MTA3: variants seen among roughly 807,000 people sequenced by gnomAD.
MTA3 encodes the protein metastasis-associated protein MTA3.
A neutral mutation model predicts 83.5 loss-of-function variants in MTA3; 34 were observed. The ratio of observed to expected loss-of-function variants is 0.41; its 90% CI spans 0.31 to 0.54. The LOEUF is 0.54. Ranked by LOEUF, MTA3 falls within the 20% of genes least tolerant of loss-of-function variation. The pLI, the probability that MTA3 is intolerant of heterozygous loss-of-function variation, is 0.33. For synonymous variants in MTA3, 303 were observed against 252.7 expected (o/e 1.20, Z -1.89); for missense variants, 761 against 726.4 (o/e 1.05, Z -0.55).
intron 14 of MTA3, among the ~76,000 whole-genome samples, chr2:42,717,127 G>GTTTTTT (rs66521425): frequency 3.1e-5 from 2 of 64,928 alleles, no homozygotes; most frequent in African/African-American, 5.8e-5. Flanking sequence ...TCAGAAAAGA[G>GTTTTTT]TTTTTTTTTT....
intron 11 of MTA3, among the ~76,000 whole-genome samples, chr2:42,701,741 C>G (rs1382009299): frequency 2.0e-5 from 3 of 151,040 alleles, no homozygotes; most frequent in African/African-American, 7.3e-5. Context: ...CATGGTGAAA[C>G]CCCGTCTCTA....
intron 4 of MTA3, among the ~76,000 whole-genome samples, chr2:42,627,725 A>ATTTTTTTTTTTTTTT (rs869227831): frequency 4.8e-5 from 5 of 103,384 alleles, no homozygotes; most frequent in Non-Finnish European, 7.2e-5. Flanking sequence ...GCCTGGCTAA[A>ATTTTTTTTTTTTTTT]TTTTTTTTTT....
intron 3 of MTA3, among the ~76,000 whole-genome samples, chr2:42,605,659 G>T (rs1301813967): frequency 8.9e-6 from 1 of 111,750 alleles, no homozygotes; most frequent in Non-Finnish European, 1.9e-5. Flanking sequence ...CTGGCCGGGC[G>T]GGGGGCTGAC....
At chr2:42,579,384 T>C (rs1679375245) in intron 3 of MTA3, among the ~76,000 whole-genome samples, 184 bp downstream of exon 3, 1 of 149,674 alleles carries the variant, frequency 6.7e-6, no homozygotes. Flanking sequence ...TCAGTGTATA[T>C]GTGTATATAT....
intron 15 of MTA3, among the ~76,000 whole-genome samples, chr2:42,721,924 T>A (rs1667441020): frequency 6.6e-6 from 1 of 152,128 alleles, no homozygotes; most frequent in Non-Finnish European, 1.5e-5. Context: ...TCGGTGGTAG[T>A]ATTTAAGCCA....
intron 8 of MTA3, among the ~76,000 whole-genome samples, chr2:42,669,030 C>G (rs530731772): frequency 6.6e-6 from 1 of 151,456 alleles, no homozygotes; most frequent in Non-Finnish European, 1.5e-5. Flanking sequence ...CATTTAGGGC[C>G]TTGTGGGTAC....
chr2:42,753,849 T>A lies in MTA3; in HGVS notation c.*450T>A. 1 of 990,450 alleles carries A rather than the reference T, an allele frequency of 1.0e-6. No homozygotes were observed. Among genetic ancestry groups the A allele is most frequent in the Non-Finnish European group, 1.2e-6 (1 of 833,522 alleles). 61.4% of individuals were successfully genotyped at this position (990,450 alleles called of 1,614,324 possible). ...AGGAGGGCCATGGCATCTTTCTGAATGGATTTTTCTTAAGAAATGCGCCAG... is the reference window on the plus strand; with the variant it reads ...AGGAGGGCCATGGCATCTTTCTGAAAGGATTTTTCTTAAGAAATGCGCCAG... On this transcript the variant is annotated 3_prime_UTR_variant, in exon 17 of 17. Transcript: ENST00000405094.
intron 15 of MTA3, among the ~76,000 whole-genome samples, chr2:42,719,589 G>T (rs528258823): frequency 6.6e-6 from 1 of 152,208 alleles, no homozygotes; most frequent in South Asian, 2.1e-4. Context: ...GCCCAGGCTG[G>T]TCTCAAACTC....
intron 2 of MTA3, among the ~76,000 whole-genome samples, chr2:42,546,353 C>T (rs762194531): frequency 2.0e-5 from 3 of 152,106 alleles, no homozygotes; most frequent in African/African-American, 4.8e-5. Flanking sequence ...CTGGCAATCT[C>T]GGTTCCAGAA....
At chr2:42,670,473 T>G (rs1690695056) in intron 8 of MTA3, among the ~76,000 whole-genome samples, 1 of 152,182 alleles carries the variant, frequency 6.6e-6, no homozygotes. Flanking sequence ...AGAATAAGCA[T>G]TCTGATGAGC....
chr2:42,571,430 A>G (rs1335879689), intron 2 of MTA3, among the ~76,000 whole-genome samples: 9 of 149,040 alleles, frequency 6.0e-5, no homozygotes, highest in Admixed American at 4.0e-4. Flanking sequence ...TTAGAGAGTT[A>G]TGCACGATTC....
At chr2:42,554,491 T>C (rs1309791297) in intron 2 of MTA3, among the ~76,000 whole-genome samples, 1 of 152,130 alleles carries the variant, frequency 6.6e-6, no homozygotes, top group Non-Finnish European at 1.5e-5. Flanking sequence ...CAGCTGTTCT[T>C]AGAGGAAAGA....
chr2:42,755,319 C>T lies in MTA3; in HGVS notation c.*1920C>T, dbSNP rs1261918583. On this transcript the variant is annotated 3_prime_UTR_variant, in exon 17 of 17. Coordinates refer to ENST00000405094, the MANE Select transcript of MTA3 (RefSeq NM_001330442.2). The stretch of plus-strand genomic sequence containing the variant: ...TCTGGAAACAATTAGCTGCCCGTGA[C>T]TCAGCTGCCAGCTTCATTTTCTCTG... 1.0e-6 allele frequency: 1 copy of T among 985,498 alleles called. No individual in the cohort carries two copies. 61.0% of individuals were successfully genotyped at this position (985,498 alleles called of 1,614,324 possible). A position where few individuals can be genotyped will look rare whatever the true frequency, so the allele number is the denominator to read the frequency against.
intron 8 of MTA3, among the ~76,000 whole-genome samples, chr2:42,664,456 C>T (rs1369258780): frequency 6.8e-6 from 1 of 146,834 alleles, no homozygotes; most frequent in Non-Finnish European, 1.5e-5. Flanking sequence ...TACCCCCTCA[C>T]CCCGCTTACC....
intron 8 of MTA3, among the ~76,000 whole-genome samples, chr2:42,673,644 T>C (rs184239209): frequency 6.6e-6 from 1 of 152,226 alleles, no homozygotes; most frequent in East Asian, 1.9e-4. Context: ...TCAGCACTTG[T>C]GGAATAAAAG....
chr2:42,631,616 A>C (rs2374435), intron 4 of MTA3, among the ~76,000 whole-genome samples: 109,746 of 152,098 alleles, frequency 0.72, 39,779 homozygotes, highest in South Asian at 0.88. Context: ...AATATGGGCT[A>C]TCTGTCCCCT....
chr2:42,719,030 G>A lies in MTA3; in HGVS notation c.1568G>A (p.Ser523Asn), dbSNP rs1194506829. 1.6e-5 allele frequency: 25 copies of A among 1,550,356 alleles called. No homozygotes were observed. In the East Asian group the frequency reaches 5.4e-4, roughly 33 times the overall value. Residue 523 changes from serine to asparagine, a missense_variant, in exon 15 of 17, where the codon AGC (serine) becomes AAC (asparagine). Ser to Asn is a conservative substitution (Grantham distance 46). Coordinates refer to ENST00000405094, the MANE Select transcript of MTA3 (RefSeq NM_001330442.2). Reference protein sequence around the residue: ...HAELSGSPLKSKSTRKPLACI... With the variant: ...HAELSGSPLKNKSTRKPLACI... ...GAACTATCTGGAAGTCCACTGAAAA[G>A]CAAAAGCACTAGGAAGCCTTTGGCA...
intron 2 of MTA3, among the ~76,000 whole-genome samples, chr2:42,532,342 T>C (rs1414245475): frequency 1.3e-5 from 2 of 152,096 alleles, no homozygotes; most frequent in African/African-American, 4.8e-5. Flanking sequence ...GAACCCCATC[T>C]CTACTAAAAA....
intron 8 of MTA3, among the ~76,000 whole-genome samples, chr2:42,671,637 T>C (rs1004884347): frequency 6.6e-6 from 1 of 152,212 alleles, no homozygotes; most frequent in African/African-American, 2.4e-5. Flanking sequence ...GTATTTTTAT[T>C]ATCATTTGGT....
Sources: allele counts gnomAD v4.1 joint callset (sites outside exome capture counted in the v4.1 genomes callset), GRCh38; gene constraint gnomAD v4.1.1; transcripts MANE v1.5; gene names NCBI Gene and HGNC (gene_info 2026-07-23, HGNC 2026-07-21).